The following INSC variants were observed in gnomAD, a reference collection of about 807,000 sequenced individuals.
The protein encoded by INSC is INSC spindle orientation adaptor protein, also known as protein inscuteable homolog.
INSC carries 67 observed loss-of-function variants against 58.6 expected under a neutral mutation model. The ratio of observed to expected loss-of-function variants is 1.14; its 90% CI spans 0.94 to 1.40. INSC has a LOEUF of 1.40. Among genes scored for constraint, INSC ranks in the 40% most tolerant of loss-of-function variants. INSC has a pLI of 0.00. For missense variants in INSC, 714 were observed against 692.0 expected (o/e 1.03, Z -0.36); for synonymous variants, 262 against 276.1 (o/e 0.95, Z 0.51).
intron 7 of INSC, among the ~76,000 whole-genome samples, chr11:15,210,989 G>A (rs902115247): frequency 3.3e-5 from 5 of 152,098 alleles, no homozygotes; most frequent in East Asian, 1.9e-4. Context: ...ACCTGCTGCC[G>A]GCAAGTGGTG....
chr11:15,231,012 C>T (rs975026040), intron 9 of INSC, among the ~76,000 whole-genome samples: 4 of 152,188 alleles, frequency 2.6e-5, no homozygotes, highest in Non-Finnish European at 5.9e-5. Flanking sequence ...AGTCTGCACA[C>T]CTGTCCAGCC....
At chr11:15,177,574 T>G (rs748748924) in intron 4 of INSC, among the ~76,000 whole-genome samples, 1 of 152,170 alleles carries the variant, frequency 6.6e-6, no homozygotes, top group African/African-American at 2.4e-5. Flanking sequence ...TATACAGATA[T>G]ATAAACACAT....
intron 7 of INSC, 142 bp downstream of exon 7, chr11:15,201,091 G>A: frequency 9.5e-7 from 1 of 1,057,530 alleles, no homozygotes; most frequent in Non-Finnish European, 1.3e-6. Context: ...GGATAGGGTG[G>A]CTGGGACCTG....
intron 5 of INSC, among the ~76,000 whole-genome samples, chr11:15,189,375 A>G (rs1416156083): frequency 1.1e-3 from 7 of 6,216 alleles, no homozygotes; most frequent in South Asian, 0.037. Context: ...TTGTTTATTT[A>G]TTTATTTATT....
rs1475682985 is a variant in INSC at position 15,176,008 on chromosome 11, G to T, written c.324G>T (p.Val108=). ...DRWARVHSMS[V]RLTCHARSMV... is the part of the protein sequence containing the mutation. ...GGGCACGGGTGCACAGCATGAGCGT[G>T]CGTCTGACCTGCCATGCCCGCTCCA... The change falls in exon 3 of 13, where the codon GTG becomes GTT. Residue 108 remains valine (V), a synonymous_variant. Transcript: ENST00000379556. The T allele has an allele frequency of 6.3e-7, 1 of 1,598,748 alleles. No homozygotes were observed. The highest frequency in any genetic ancestry group is 1.3e-5 in the African/African-American group (1 of 74,624).
chr11:15,123,612 A>T (rs909985381), intron 1 of INSC, among the ~76,000 whole-genome samples: 1 of 152,076 alleles, frequency 6.6e-6, no homozygotes, highest in Non-Finnish European at 1.5e-5. Flanking sequence ...ACAAATTAAG[A>T]TGTCACTAAG....
intron 9 of INSC, 72 bp from the exon 10 acceptor site, chr11:15,235,530 G>A: frequency 6.0e-6 from 7 of 1,173,880 alleles, no homozygotes; most frequent in Non-Finnish European, 7.7e-6. Flanking sequence ...GCCCCTGGCT[G>A]ACCTGTCTGT....
At chr11:15,264,600 A>G in the INSC span, among the ~76,000 whole-genome samples, 2 of 144,818 alleles carry the variant, frequency 1.4e-5, no homozygotes, top group Non-Finnish European at 1.5e-5. Context: ...CATGCTTGGA[A>G]TCTTTTGATC....
the INSC span, among the ~76,000 whole-genome samples, chr11:15,268,638 C>A: frequency 6.6e-6 from 1 of 152,054 alleles, no homozygotes. Flanking sequence ...CTGGAAGAAA[C>A]AATGCTGCTG....
intron 8 of INSC, among the ~76,000 whole-genome samples, chr11:15,222,368 T>G (rs111931459): frequency 2.0e-5 from 3 of 152,332 alleles, no homozygotes; most frequent in African/African-American, 7.2e-5. Flanking sequence ...TCTCTTTGTA[T>G]CTAATTGAAA....
upstream of INSC, chr11:15,112,296 C>T (rs1018537411): frequency 2.1e-6 from 1 of 486,606 alleles, no homozygotes; most frequent in African/African-American, 2.0e-5. Context: ...GGGGAGGAAG[C>T]TTCAACTCTG....
chr11:15,209,405 C>T (rs1850933474), intron 7 of INSC, among the ~76,000 whole-genome samples: 1 of 152,190 alleles, frequency 6.6e-6, no homozygotes, highest in Non-Finnish European at 1.5e-5. Context: ...TTTGGGGCCT[C>T]CTTGCCTTGG....
At chr11:15,114,872 G>C (rs1400526309), upstream of INSC, 2 of 904,688 alleles carry the variant, frequency 2.2e-6, no homozygotes, top group African/African-American at 3.7e-5. Context: ...CGGGGCGGGG[G>C]GTGGGGCGGG....
At chr11:15,243,575 G>T (rs1751771890) in intron 12 of INSC, among the ~76,000 whole-genome samples, 1 of 152,122 alleles carries the variant, frequency 6.6e-6, no homozygotes, top group Non-Finnish European at 1.5e-5. Flanking sequence ...ACTGAGGAGG[G>T]GGTGCTCTGA....
chr11:15,154,354 A>G (rs147893799), intron 2 of INSC, among the ~76,000 whole-genome samples: 181 of 152,356 alleles, frequency 1.2e-3, no homozygotes, highest in African/African-American at 4.0e-3. Context: ...TTCTGTCTCC[A>G]GCAAGCTATT....
At chr11:15,230,019 TATA>T (rs1450646957) in intron 9 of INSC, among the ~76,000 whole-genome samples, 1,385 of 50,768 alleles carry the variant, frequency 0.027, 121 homozygotes, top group East Asian at 0.11. Context: ...ATATAATATA[TATA>T]TATATATATA....
rs371951470 is a variant in INSC, at chr11:15,175,799, A to T, written c.115A>T (p.Thr39Ser). The change falls in exon 3 of 13, where the codon ACC (threonine) becomes TCC (serine). Residue 39 changes from threonine to serine, a missense_variant. Physicochemically the swap from Thr to Ser is moderately conservative, Grantham distance 58. Coordinates refer to ENST00000379556, the MANE Select transcript of INSC (RefSeq NM_001042536.3). ...QRWMEDLKLM[T>S]ECECMCVLQA... ...CTGGATGGAAGATCTGAAGCTCATG[A>T]CCGAGTGCGAGTGCATGTGTGTCCT... 2.1e-5 allele frequency: 33 copies of T among 1,603,472 alleles called. No individual in the cohort carries two copies. Among genetic ancestry groups the T allele is most frequent in the African/African-American group, 2.7e-5 (2 of 74,742 alleles).
chr11:15,251,401 A>C (rs1232481155), downstream of INSC, among the ~76,000 whole-genome samples: 1 of 152,244 alleles, frequency 6.6e-6, no homozygotes, highest in Non-Finnish European at 1.5e-5. Context: ...GAACAAATAG[A>C]TAAATTGGAC....
At chr11:15,262,064 C>T in the INSC span, among the ~76,000 whole-genome samples, 2 of 152,048 alleles carry the variant, frequency 1.3e-5, no homozygotes, top group Non-Finnish European at 2.9e-5. Flanking sequence ...AGGGCTCCCA[C>T]CTTTCTGGGT....
Sources: gnomAD v4.1 joint callset for allele counts (sites outside exome capture counted in the v4.1 genomes callset) on GRCh38, gnomAD v4.1.1 for gene constraint, MANE v1.5 for transcripts, NCBI Gene and HGNC (gene_info 2026-07-23, HGNC 2026-07-21) for gene names.